The following ZNRF1 variants were observed in gnomAD, a reference collection of about 807,000 sequenced individuals.
ZNRF1 encodes the protein zinc and ring finger 1, also known as E3 ubiquitin-protein ligase ZNRF1.
A neutral mutation model predicts 18.4 loss-of-function variants in ZNRF1; 3 were observed. The observed-to-expected ratio is 0.16, with a 90% CI of 0.07 to 0.42. ZNRF1 has a LOEUF of 0.42. Among genes scored for constraint, ZNRF1 ranks in the 10% least tolerant of loss-of-function variants. The probability of loss-of-function intolerance (pLI) is 0.99; values close to 1 mark genes in which losing one functional copy is unlikely to be tolerated. For synonymous variants in ZNRF1, 157 were observed against 144.2 expected (o/e 1.09, Z -0.64); for missense variants, 310 against 329.8 (o/e 0.94, Z 0.47).
intron 1 of ZNRF1, among the ~76,000 whole-genome samples, chr16:75,055,561 C>T (rs909901482): frequency 2.6e-5 from 4 of 152,140 alleles, no homozygotes; most frequent in South Asian, 2.1e-4. Flanking sequence ...AGGCATTGCT[C>T]GTCTCCCTAT....
intron 1 of ZNRF1, among the ~76,000 whole-genome samples, chr16:75,032,144 C>G (rs147687030): frequency 1.7e-5 from 2 of 120,762 alleles, no homozygotes; most frequent in South Asian, 5.5e-4. Flanking sequence ...GAGTCTTGCT[C>G]TGTCGCCCAG....
intron 1 of ZNRF1, among the ~76,000 whole-genome samples, chr16:75,058,587 A>C (rs2035698337): frequency 6.6e-6 from 1 of 152,212 alleles, no homozygotes; most frequent in South Asian, 2.1e-4. Flanking sequence ...GGATCAGTTA[A>C]AGAGGAATCA....
intron 1 of ZNRF1, among the ~76,000 whole-genome samples, chr16:75,037,652 G>T (rs1274335706): frequency 6.6e-6 from 1 of 152,084 alleles, no homozygotes; most frequent in Non-Finnish European, 1.5e-5. Context: ...CTTCTTGTTT[G>T]TGGGTAGATC....
chr16:75,024,535 T>A (rs755796347), intron 1 of ZNRF1, among the ~76,000 whole-genome samples: 1 of 152,218 alleles, frequency 6.6e-6, no homozygotes, highest in Non-Finnish European at 1.5e-5. Context: ...TGTAGAGTTG[T>A]CAGCAGTGGC....
intron 1 of ZNRF1, among the ~76,000 whole-genome samples, chr16:75,027,575 CA>C (rs1010053245): frequency 1.3e-5 from 2 of 152,210 alleles, no homozygotes; most frequent in Non-Finnish European, 2.9e-5. Context: ...CCCTTTCCCT[CA>C]CGCCCTCATG....
intron 1 of ZNRF1, 130 bp downstream of exon 1, chr16:75,000,225 G>C: frequency 1.5e-6 from 2 of 1,329,978 alleles, no homozygotes; most frequent in Non-Finnish European, 2.1e-6. Flanking sequence ...GGTTCCCGAT[G>C]CCAAGGGATA....
chr16:75,015,341 T>C (rs2035052197), intron 1 of ZNRF1, among the ~76,000 whole-genome samples: 1 of 152,224 alleles, frequency 6.6e-6, no homozygotes, highest in South Asian at 2.1e-4. Context: ...CTCATGCCTG[T>C]AATCCCAGCA....
rs193183639 is a variant in ZNRF1 at position 75,030,433 on chromosome 16, A to G, written c.424+30338A>G. Among the ~76,000 whole-genome samples, 1,110 of 150,106 alleles carry G rather than the reference A, an allele frequency of 7.4e-3. 10 individuals are homozygous for G. Among genetic ancestry groups the G allele is most frequent in the African/African-American group, 0.026 (1,075 of 41,046 alleles). On this transcript the variant is annotated intron_variant, in intron 1 of 4. Transcript: ENST00000335325. ...AACTTTGATCTGCAGTAGCTGGAGG[A>G]AAAAAAAAAGAGAGAAATATTTAAA... is the stretch of plus-strand genomic sequence containing the variant.
At chr16:75,072,196 C>T (rs1435774851) in intron 1 of ZNRF1, among the ~76,000 whole-genome samples, 2 of 151,868 alleles carry the variant, frequency 1.3e-5, no homozygotes, top group Non-Finnish European at 2.9e-5. Context: ...GGTCTCGAAC[C>T]CCTGGACTCA....
At chr16:75,011,506 T>G (rs1448481058) in intron 1 of ZNRF1, among the ~76,000 whole-genome samples, 1 of 152,182 alleles carries the variant, frequency 6.6e-6, no homozygotes, top group East Asian at 1.9e-4. Context: ...TAGCTGGGAC[T>G]GTGGGCACAC....
At chr16:75,028,361 T>G (rs2035253630) in intron 1 of ZNRF1, among the ~76,000 whole-genome samples, 1 of 152,232 alleles carries the variant, frequency 6.6e-6, no homozygotes, top group Admixed American at 6.5e-5. Flanking sequence ...TGGCGTGATG[T>G]CGGCTCACTG....
chr16:75,035,977 C>G (rs1567473466), intron 1 of ZNRF1, among the ~76,000 whole-genome samples: 1 of 152,186 alleles, frequency 6.6e-6, no homozygotes, highest in Non-Finnish European at 1.5e-5. Flanking sequence ...TACTGGGAGA[C>G]TACCGTTCTC....
rs185914890 is a variant in ZNRF1, at chr16:75,040,168, C to T, written c.424+40073C>T. The stretch of plus-strand genomic sequence containing the variant: ...CAAGGGATCCTCCTTCCTCAGCCTT[C>T]CACGTAGCTGGCACTGCAGGCGCGC... On this transcript the variant is annotated intron_variant, in intron 1 of 4. Transcript: ENST00000335325. 4.5e-4 allele frequency among the ~76,000 whole-genome samples: 68 copies of T among 151,006 alleles called. 1 individual carries two copies. Among genetic ancestry groups the T allele is most frequent in the Admixed American group, 4.4e-3 (67 of 15,068 alleles).
At chr16:75,023,319 C>T (rs1442793388) in intron 1 of ZNRF1, among the ~76,000 whole-genome samples, 1 of 152,192 alleles carries the variant, frequency 6.6e-6, no homozygotes, top group Non-Finnish European at 1.5e-5. Context: ...CCCCCACATT[C>T]ACATACCCAC....
At chr16:75,071,213 C>T (rs867337676) in intron 1 of ZNRF1, among the ~76,000 whole-genome samples, 1 of 151,990 alleles carries the variant, frequency 6.6e-6, no homozygotes, top group Non-Finnish European at 1.5e-5. Context: ...GATTCTTCTG[C>T]CTCAGCCTCC....
At chr16:75,024,967 A>G (rs1420132856) in intron 1 of ZNRF1, among the ~76,000 whole-genome samples, 2 of 152,140 alleles carry the variant, frequency 1.3e-5, no homozygotes, top group South Asian at 2.1e-4. Flanking sequence ...TAGAAAGCAC[A>G]TTATGCTTGT....
intron 1 of ZNRF1, among the ~76,000 whole-genome samples, chr16:75,072,816 CCTGTG>C (rs1372946657): frequency 3.3e-5 from 5 of 152,214 alleles, no homozygotes; most frequent in African/African-American, 1.2e-4. Context: ...AGCAGGTGGC[CCTGTG>C]ACCAGCAATC....
At chr16:75,045,513 A>G (rs1408854979) in intron 1 of ZNRF1, among the ~76,000 whole-genome samples, 2 of 151,928 alleles carry the variant, frequency 1.3e-5, no homozygotes, top group African/African-American at 2.4e-5. Context: ...ATGCTATGAC[A>G]GTGTCAATCG....
At chr16:75,078,659 G>T (rs1278216177) in intron 1 of ZNRF1, among the ~76,000 whole-genome samples, 1 of 152,218 alleles carries the variant, frequency 6.6e-6, no homozygotes, top group African/African-American at 2.4e-5. Flanking sequence ...ATTCTGGGAA[G>T]TTGAAGTGCT....
Sources: allele counts gnomAD v4.1 joint callset (sites outside exome capture counted in the v4.1 genomes callset), GRCh38; gene constraint gnomAD v4.1.1; transcripts MANE v1.5; gene names NCBI Gene and HGNC (gene_info 2026-07-23, HGNC 2026-07-21).